FRMD4A: variants seen among roughly 807,000 people sequenced by gnomAD.
FRMD4A encodes FERM domain containing 4A.
Under a neutral mutation model 129.1 loss-of-function variants are expected in FRMD4A, and 29 were observed. That is an observed-to-expected ratio of 0.22 (90% CI 0.17 to 0.31). The LOEUF is 0.31. FRMD4A is among the 10% of genes least tolerant of loss of function. The pLI is 1.00. For missense variants in FRMD4A, 1,272 were observed against 1,375.8 expected (o/e 0.92, Z 1.19); for synonymous variants, 634 against 571.6 (o/e 1.11, Z -1.56).
At chr10:14,311,217 C>T (rs1846535848) in intron 2 of FRMD4A, among the ~76,000 whole-genome samples, 2 of 152,178 alleles carry the variant, frequency 1.3e-5, no homozygotes, top group Admixed American at 6.5e-5. Context: ...GAATTTCCAC[C>T]TCCTCCTCCC....
At chr10:14,079,976 C>A (rs1310378978) in intron 2 of FRMD4A, among the ~76,000 whole-genome samples, 1 of 152,168 alleles carries the variant, frequency 6.6e-6, no homozygotes, top group Non-Finnish European at 1.5e-5. Flanking sequence ...CGCCCAACAC[C>A]AAGCATAACA....
At position 13,654,498 on chromosome 10, in the gene FRMD4A, T is replaced by C. The variant is rs1003935115; in HGVS notation, c.2968A>G (p.Ser990Gly). 2 of 1,613,102 alleles carry C rather than the reference T, an allele frequency of 1.2e-6. No individual in the cohort carries two copies. Among genetic ancestry groups the C allele is most frequent in the Admixed American group, 3.3e-5 (2 of 59,966 alleles). The part of the protein sequence containing the change: ...CKATSAALPQ[S>G]QRSSTPSSEI... ...CTTGACGGTGTCGAGCTTCTCTGGC[T>C]TTGAGGTAAGGCAGCTACATGCAGG... The change falls in exon 23 of 25, where the codon AGC becomes GGC. Residue 990 changes from serine (S) to glycine (G), a missense_variant. Ser to Gly is a moderately conservative substitution (Grantham distance 56, BLOSUM62 0). This residue lies in a region of FRMD4A where 972 missense variants were observed against 892.3 expected (regional missense o/e 1.09). Transcript: ENST00000357447.
intron 2 of FRMD4A, among the ~76,000 whole-genome samples, chr10:14,059,220 C>G (rs1205891236): frequency 6.6e-6 from 1 of 152,154 alleles, no homozygotes; most frequent in Admixed American, 6.5e-5. Flanking sequence ...TAACTCCTCC[C>G]TCCTCTGGAA....
chr10:13,725,609 A>G (rs1345549881), intron 12 of FRMD4A, among the ~76,000 whole-genome samples: 1 of 152,162 alleles, frequency 6.6e-6, no homozygotes. Context: ...ATGGGCTTCA[A>G]CAAGAACACA....
chr10:14,217,032 G>A lies in FRMD4A; in HGVS notation c.45+113026C>T, dbSNP rs79549639. 4.4e-3 allele frequency among the ~76,000 whole-genome samples: 663 copies of A among 152,288 alleles called. 2 individuals are homozygous for A. The highest frequency in any genetic ancestry group is 7.1e-3 in the Non-Finnish European group (482 of 68,014). On this transcript the variant is annotated intron_variant, in intron 2 of 24. Coordinates refer to ENST00000357447, the MANE Select transcript of FRMD4A (RefSeq NM_018027.5). ...GAAGTCCTCCTGACAGCCGGTCACC[G>A]AACAGGGGGGCATGGCCTCCATGGG... is the stretch of plus-strand genomic sequence containing the variant.
intron 6 of FRMD4A, among the ~76,000 whole-genome samples, chr10:13,764,476 A>G (rs1001268189): frequency 2.0e-5 from 3 of 151,330 alleles, no homozygotes; most frequent in Non-Finnish European, 4.4e-5. Context: ...ACTACACTCC[A>G]GCCTGGTGAC....
At chr10:13,647,935 A>G (rs111361262) in intron 24 of FRMD4A, 2 of 152,056 alleles carry the variant, frequency 1.3e-5, no homozygotes, top group Non-Finnish European at 2.9e-5. Context: ...CCCCATGGGG[A>G]GTGGTGAGGG....
chr10:13,955,474 G>C (rs975408981), intron 2 of FRMD4A, among the ~76,000 whole-genome samples: 17 of 152,196 alleles, frequency 1.1e-4, no homozygotes, highest in African/African-American at 4.1e-4. Flanking sequence ...AGTCACTGAA[G>C]TATCTGGTGG....
chr10:13,865,680 C>A (rs1326341853), intron 2 of FRMD4A, among the ~76,000 whole-genome samples: 3 of 151,830 alleles, frequency 2.0e-5, no homozygotes, highest in Non-Finnish European at 4.4e-5. Flanking sequence ...AGTGACCCTC[C>A]CCACCTTAGC....
Position 13,926,808 on chromosome 10 carries a change from T to C in FRMD4A, c.46-67896A>G, listed in dbSNP as rs530361871. On this transcript the variant is annotated intron_variant, in intron 2 of 24. Transcript: ENST00000357447. ...AGCCAAGACGCCTAAAAGACCCACA[T>C]ACTTTTAGAGCAGAAAAATAAATTC... Among the ~76,000 whole-genome samples the C allele has an allele frequency of 5.9e-5, 9 of 152,338 alleles. 1 individual carries two copies. In the South Asian group the frequency reaches 1.9e-3, roughly 32 times the overall value.
At chr10:14,220,060 C>T (rs190163004) in intron 2 of FRMD4A, among the ~76,000 whole-genome samples, 3 of 152,284 alleles carry the variant, frequency 2.0e-5, no homozygotes, top group East Asian at 1.9e-4. Context: ...TCCATGACGA[C>T]CATGTGGTCC....
intron 2 of FRMD4A, among the ~76,000 whole-genome samples, chr10:14,036,946 A>G (rs1180909572): frequency 1.3e-5 from 2 of 152,184 alleles, no homozygotes; most frequent in Non-Finnish European, 2.9e-5. Flanking sequence ...CTCTTTTGTT[A>G]CTATTTTTTG....
chr10:14,040,242 C>T (rs1244710712), intron 2 of FRMD4A, among the ~76,000 whole-genome samples: 2 of 151,994 alleles, frequency 1.3e-5, no homozygotes, highest in African/African-American at 2.4e-5. Context: ...GTGTGTACAA[C>T]ATTCTAATTT....
rs534512903 is a variant in FRMD4A, at chr10:13,864,807, C to T, written c.46-5895G>A. 5.9e-5 allele frequency among the ~76,000 whole-genome samples: 9 copies of T among 152,156 alleles called. No individual in the cohort carries two copies. The South Asian group carries it at 1.9e-3, about 32-fold the overall frequency. On this transcript the variant is annotated intron_variant, in intron 2 of 24. Transcript: ENST00000357447. The stretch of plus-strand genomic sequence containing the variant: ...GGCCAGGCTGGTCTCGAACTCCTGA[C>T]CTCAGGTGATCCACCCGCCTTGGCC...
At chr10:13,667,968 A>G (rs1053925375) in intron 17 of FRMD4A, 4 of 152,244 alleles carry the variant, frequency 2.6e-5, no homozygotes, top group African/African-American at 4.8e-5. Context: ...GAGGAGATCA[A>G]TTGTTTGCTA....
intron 7 of FRMD4A, among the ~76,000 whole-genome samples, chr10:13,761,896 G>A (rs1376634803): frequency 6.6e-6 from 1 of 152,176 alleles, no homozygotes; most frequent in Non-Finnish European, 1.5e-5. Context: ...CAAAGTAAGT[G>A]ATTCATAATG....
Position 13,657,097 on chromosome 10 carries a change from T to C in FRMD4A, c.2492A>G (p.Gln831Arg). 6.4e-7 allele frequency: 1 copy of C among 1,571,432 alleles called. No homozygotes were observed. Among genetic ancestry groups the C allele is most frequent in the Non-Finnish European group, 8.6e-7 (1 of 1,165,068 alleles). Residue 831 changes from glutamine (Q) to arginine (R), a missense_variant, in exon 22 of 25, where the codon CAG becomes CGG. Transcript: ENST00000357447. ...CAGCGGGTACTCCTTGATGCGGTAC[T>C]GCGAGCTGGGCTGGCTCTGGCTGTG... ...YLHSQSQPSS[Q>R]YRIKEYPLYI...
intron 11 of FRMD4A, among the ~76,000 whole-genome samples, chr10:13,739,280 C>T (rs1052348053): frequency 6.6e-6 from 1 of 152,182 alleles, no homozygotes; most frequent in African/African-American, 2.4e-5. Context: ...TAAACCCCTG[C>T]CTCTGGGAAG....
At chr10:14,008,456 C>T (rs965094262) in intron 2 of FRMD4A, 1 of 998,152 alleles carries the variant, frequency 1.0e-6, no homozygotes, top group African/African-American at 1.7e-5. Flanking sequence ...GCGAGACTGC[C>T]GTGTCCCGCT....
Sources: gnomAD v4.1 joint callset for allele counts (sites outside exome capture counted in the v4.1 genomes callset) on GRCh38, gnomAD v4.1.1 for gene constraint, gnomAD v4.1.1 regional missense constraint, MANE v1.5 for transcripts, NCBI Gene and HGNC (gene_info 2026-07-23, HGNC 2026-07-21) for gene names.